SIPA1L3: variants seen among roughly 807,000 people sequenced by gnomAD.
The protein encoded by SIPA1L3 is signal-induced proliferation-associated 1-like protein 3.
In SIPA1L3, 59 loss-of-function variants were observed where a neutral mutation model predicts 150.1. The observed-to-expected ratio is 0.39, with a 90% CI of 0.32 to 0.49. SIPA1L3 has a LOEUF of 0.49. Among genes scored for constraint, SIPA1L3 ranks in the 20% least tolerant of loss-of-function variants. SIPA1L3 has a pLI of 0.86. For missense variants in SIPA1L3, 2,211 were observed against 2,489.5 expected, an observed-to-expected ratio of 0.89 and a Z score of 2.38; for synonymous variants, 1,070 against 1,077.6, an observed-to-expected ratio of 0.99 and a Z score of 0.14.
chr19:38,049,162 T>G (rs930020421), intron 2 of SIPA1L3, among the ~76,000 whole-genome samples: 2 of 151,924 alleles, frequency 1.3e-5, no homozygotes, highest in African/African-American at 2.4e-5. Context: ...GGAAAAAAAA[T>G]GGGTGTCTCC....
Position 38,100,165 on chromosome 19 carries a change from G to A in SIPA1L3, c.1854+15G>A. The A allele has an allele frequency of 6.5e-7, 1 of 1,530,760 alleles. No individual in the cohort carries two copies. Among genetic ancestry groups the A allele is most frequent in the Non-Finnish European group, 8.8e-7 (1 of 1,140,254 alleles). The allele number at this position is 1,530,760 out of a possible 1,614,324, so 94.8% of individuals were successfully genotyped here. A position where few individuals can be genotyped will look rare whatever the true frequency, so the allele number is the denominator to read the frequency against. ...ATGAGCAAGGGGTGAGTCAGGGGCT[G>A]GAGGTGGGGGTGCTGCTGGGGCAGT... On this transcript the variant is annotated intron_variant, in intron 5 of 21. Transcript: ENST00000222345.
At chr19:38,187,452 CAAAA>C (rs1298836478) in intron 16 of SIPA1L3, among the ~76,000 whole-genome samples, 1 of 146,038 alleles carries the variant, frequency 6.8e-6, no homozygotes, top group Admixed American at 6.9e-5. Context: ...AACTCTTTCT[CAAAA>C]AAAAGACAAA....
At chr19:37,962,621 A>C (rs2046869565) in intron 1 of SIPA1L3, among the ~76,000 whole-genome samples, 1 of 151,912 alleles carries the variant, frequency 6.6e-6, no homozygotes, top group African/African-American at 2.4e-5. Flanking sequence ...GGCATGCAAC[A>C]CCATGCCCAG....
intron 15 of SIPA1L3, among the ~76,000 whole-genome samples, chr19:38,170,621 G>A (rs1264593214): frequency 6.6e-6 from 1 of 152,202 alleles, no homozygotes; most frequent in Non-Finnish European, 1.5e-5. Context: ...GCTGGAACAG[G>A]CAGACCAGAT....
intron 19 of SIPA1L3, among the ~76,000 whole-genome samples, chr19:38,198,829 C>T (rs1973024840): frequency 6.6e-6 from 1 of 152,222 alleles, no homozygotes; most frequent in South Asian, 2.1e-4. Context: ...GTGGTTCACA[C>T]CTGTAATCCC....
At position 38,207,102 on chromosome 19, in the gene SIPA1L3, C is replaced by G. The variant is rs150269739; in HGVS notation, c.*862C>G. 4.4e-4 allele frequency: 67 copies of G among 152,440 alleles called. No individual in the cohort carries two copies. Among genetic ancestry groups the G allele is most frequent in the African/African-American group, 1.5e-3 (63 of 41,552 alleles). 9.4% of individuals were successfully genotyped at this position (152,440 alleles called of 1,614,324 possible). On this transcript the variant is annotated 3_prime_UTR_variant, in exon 22 of 22. Coordinates refer to ENST00000222345, the MANE Select transcript of SIPA1L3 (RefSeq NM_015073.3). ...ACAGCCGACTCTCTCCTCCTCCTCCCGGCACGACCTGGCCCTGACCAGCAG... is the reference window on the plus strand; with the variant it reads ...ACAGCCGACTCTCTCCTCCTCCTCCGGGCACGACCTGGCCCTGACCAGCAG...
chr19:38,042,502 T>C (rs1968949965), intron 2 of SIPA1L3, among the ~76,000 whole-genome samples: 1 of 152,220 alleles, frequency 6.6e-6, no homozygotes, highest in African/African-American at 2.4e-5. Flanking sequence ...ACACTTGGAA[T>C]TGTGAATACT....
chr19:38,135,807 C>T (rs1971422385), intron 10 of SIPA1L3, among the ~76,000 whole-genome samples: 1 of 152,142 alleles, frequency 6.6e-6, no homozygotes, highest in Middle Eastern at 3.4e-3. Flanking sequence ...GTGTAGCTGA[C>T]CTCATTTGCA....
intron 12 of SIPA1L3, among the ~76,000 whole-genome samples, chr19:38,145,349 T>C (rs1971679860): frequency 6.6e-6 from 1 of 151,730 alleles, no homozygotes; most frequent in Non-Finnish European, 1.5e-5. Flanking sequence ...CTGGCCAACA[T>C]GATGAAACCC....
intron 1 of SIPA1L3, among the ~76,000 whole-genome samples, chr19:37,912,221 G>C (rs2046382689): frequency 6.7e-6 from 1 of 148,856 alleles, no homozygotes; most frequent in Non-Finnish European, 1.5e-5. Context: ...TGAGTGACAA[G>C]AGTGACACTC....
At chr19:38,152,730 C>A in intron 12 of SIPA1L3, 110 bp from the exon 13 acceptor site, 2 of 1,186,906 alleles carry the variant, frequency 1.7e-6, no homozygotes, top group South Asian at 3.6e-5. Flanking sequence ...CACAGCGGAG[C>A]CTCCCGTGTG....
intron 2 of SIPA1L3, among the ~76,000 whole-genome samples, chr19:38,059,311 ATTT>A (rs35717284): frequency 2.6e-5 from 3 of 113,920 alleles, no homozygotes; most frequent in East Asian, 2.5e-4. Context: ...AACAGCTGAG[ATTT>A]TTTTTTTTTT....
At chr19:38,142,735 T>C (rs371244792) in intron 12 of SIPA1L3, 25 bp downstream of exon 12, 15 of 1,602,846 alleles carry the variant, frequency 9.4e-6, no homozygotes, top group Non-Finnish European at 1.3e-5. Flanking sequence ...ATTCTTTTCA[T>C]GTTAAGGGAT....
chr19:37,957,290 T>A (rs553456685), intron 1 of SIPA1L3, among the ~76,000 whole-genome samples: 17 of 152,342 alleles, frequency 1.1e-4, no homozygotes, highest in Non-Finnish European at 2.1e-4. Context: ...AGTTTTCAGA[T>A]CACCTTGTCA....
At position 38,140,600 on chromosome 19, in the gene SIPA1L3, G is replaced by T. The variant is rs769815000; in HGVS notation, c.3144-584G>T. Reference sequence around the variant, plus strand: ...GCAGCCGTGTGGCCTGGGTCAGGTAGAAGCGAGGGGCGGGAACAGAGAATT... The same window carrying T: ...GCAGCCGTGTGGCCTGGGTCAGGTATAAGCGAGGGGCGGGAACAGAGAATT... On this transcript the variant is annotated intron_variant, in intron 10 of 21. Coordinates refer to ENST00000222345, the MANE Select transcript of SIPA1L3 (RefSeq NM_015073.3). Among the ~76,000 whole-genome samples, 208 of 152,190 alleles carry T rather than the reference G, an allele frequency of 1.4e-3. 2 individuals carry two copies. The highest frequency in any genetic ancestry group is 1.3e-3 in the Non-Finnish European group (88 of 68,030).
chr19:38,049,470 T>G (rs1043298347), intron 2 of SIPA1L3, among the ~76,000 whole-genome samples: 1 of 152,190 alleles, frequency 6.6e-6, no homozygotes, highest in Admixed American at 6.5e-5. Flanking sequence ...ATGCTGTACA[T>G]CTGCCACGGC....
At chr19:38,122,734 G>C (rs886900228) in intron 9 of SIPA1L3, among the ~76,000 whole-genome samples, 1 of 152,176 alleles carries the variant, frequency 6.6e-6, no homozygotes, top group Non-Finnish European at 1.5e-5. Context: ...GAAGACCTCT[G>C]AGGTTTCATG....
chr19:38,088,758 GC>G lies in SIPA1L3; in HGVS notation c.1574del (p.Pro525GlnfsTer4). On this transcript the variant is annotated frameshift_variant, in exon 4 of 22. Coordinates refer to ENST00000222345, the MANE Select transcript of SIPA1L3 (RefSeq NM_015073.3). LOFTEE classifies it high-confidence loss of function. ...ACTTCGGCGTGGATGAGAAGCTGGGGCCAGTGGCTGTGAGCATTAAGCGGGA... is the reference window on the plus strand; with the variant it reads ...ACTTCGGCGTGGATGAGAAGCTGGGGCAGTGGCTGTGAGCATTAAGCGGGA... ...NYFGVDEKLG[P>X]VAVSIKREKL... 6.2e-7 allele frequency: 1 copy of G among 1,614,100 alleles called. No homozygotes were observed. The highest frequency in any genetic ancestry group is 8.5e-7 in the Non-Finnish European group (1 of 1,179,986).
rs543274034 is a variant in SIPA1L3, at chr19:38,123,858, T to C, written c.2868+3976T>C. The stretch of plus-strand genomic sequence containing the variant: ...AGGGGTGGCCGGGCAGAGGCGCCCC[T>C]CACCTCCCGGACAGGGCGGCTGGCC... On this transcript the variant is annotated intron_variant, in intron 9 of 21. Transcript: ENST00000222345. 2.2e-3 allele frequency among the ~76,000 whole-genome samples: 281 copies of C among 127,450 alleles called. 5 individuals are homozygous for C. Among genetic ancestry groups the C allele is most frequent in the African/African-American group, 9.2e-3 (268 of 29,090 alleles). The allele number at this position is 127,450 out of a possible 152,430, so 83.6% of individuals were successfully genotyped here. A position where few individuals can be genotyped will look rare whatever the true frequency, so the allele number is the denominator to read the frequency against.
Sources: gnomAD v4.1 joint callset for allele counts (sites outside exome capture counted in the v4.1 genomes callset) on GRCh38, gnomAD v4.1.1 for gene constraint, MANE v1.5 for transcripts, NCBI Gene and HGNC (gene_info 2026-07-23, HGNC 2026-07-21) for gene names.